ERCC6L: variants seen among roughly 807,000 people sequenced by gnomAD.
ERCC6L encodes the protein DNA excision repair protein ERCC-6-like.
A neutral mutation model predicts 20.1 loss-of-function variants in ERCC6L; 7 were observed. That is an observed-to-expected ratio of 0.35 (90% CI 0.20 to 0.65). The LOEUF is 0.65. Ranked by LOEUF, ERCC6L falls within the 30% of genes least tolerant of loss-of-function variation. The pLI is 0.69. For missense variants in ERCC6L, 592 were observed against 892.4 expected, an observed-to-expected ratio of 0.66 and a Z score of 4.29; for synonymous variants, 278 against 331.3, an observed-to-expected ratio of 0.84 and a Z score of 1.75.
chrX:72,236,884 CTT>C (rs1877553669), intron 1 of ERCC6L, among the ~76,000 whole-genome samples: 1 of 112,331 alleles, frequency 8.9e-6, no homozygotes, highest in Admixed American at 9.5e-5. Flanking sequence ...GCACACACAT[CTT>C]TGCTCACTCA....
chrX:72,221,510 G>A (rs746592104), intron 1 of ERCC6L, among the ~76,000 whole-genome samples: 1 of 110,727 alleles, frequency 9.0e-6, no homozygotes, highest in African/African-American at 3.3e-5. Context: ...AGTCCACATG[G>A]GTGCCAAACA....
At chrX:72,238,730 C>A (rs745544788) in intron 1 of ERCC6L, 114 bp downstream of exon 1, 36 of 655,243 alleles carry the variant, frequency 5.5e-5, no homozygotes, top group African/African-American at 4.4e-4. Context: ...CGCGAGCGCG[C>A]GTCTCAAAAG....
At chrX:72,226,901 C>G (rs1211535974) in intron 1 of ERCC6L, among the ~76,000 whole-genome samples, 1 of 111,642 alleles carries the variant, frequency 9.0e-6, no homozygotes, top group Non-Finnish European at 1.9e-5. Flanking sequence ...ACTAGCCATT[C>G]CCCTTGACAA....
intron 1 of ERCC6L, among the ~76,000 whole-genome samples, chrX:72,221,738 T>C (rs1956142215): frequency 9.0e-6 from 1 of 110,625 alleles, no homozygotes; most frequent in Non-Finnish European, 1.9e-5. Flanking sequence ...GAATGGCAAA[T>C]GGCAAGAGGT....
At chrX:72,223,719 G>T in intron 1 of ERCC6L, among the ~76,000 whole-genome samples, 1 of 111,509 alleles carries the variant, frequency 9.0e-6, no homozygotes, top group East Asian at 2.9e-4. Context: ...AGACAAACAT[G>T]TCTGGTTAAA....
intron 1 of ERCC6L, among the ~76,000 whole-genome samples, chrX:72,228,127 C>T (rs1417564303): frequency 4.5e-5 from 5 of 112,239 alleles, no homozygotes; most frequent in Admixed American, 2.9e-4. Context: ...TGTGAGGTCC[C>T]GTTCCAGCCA....
intron 1 of ERCC6L, among the ~76,000 whole-genome samples, chrX:72,232,274 A>T (rs1602452016): frequency 5.4e-5 from 2 of 36,782 alleles, no homozygotes; most frequent in African/African-American, 3.9e-4. Context: ...AAGGAGTATT[A>T]AAAAAAAAAA....
chrX:72,220,010 C>G (rs192729686), intron 1 of ERCC6L, among the ~76,000 whole-genome samples: 47 of 110,997 alleles, frequency 4.2e-4, no homozygotes, highest in African/African-American at 9.8e-4. Flanking sequence ...TTGTAGATAC[C>G]CTTGATCAGG....
intron 1 of ERCC6L, among the ~76,000 whole-genome samples, chrX:72,233,837 G>A (rs1474971255): frequency 1.1e-4 from 12 of 108,731 alleles, no homozygotes; most frequent in Admixed American, 3.0e-4. Flanking sequence ...TTTTTTGACC[G>A]GGCAAGGGGG....
In ERCC6L at chrX:72,206,519, G is replaced by A; in HGVS notation, c.2248C>T (p.Pro750Ser). ...AGAAGAGGTGAAGGCTGAGGCTGTG[G>A]TTTATTCAATTTAGGGCATTTCTTC... is the stretch of plus-strand genomic sequence containing the variant. ...TKKKCPKLNK[P>S]QPQPSPLLST... The change falls in exon 2 of 2, where the codon CCA becomes TCA. Residue 750 changes from proline to serine, a missense_variant. Pro to Ser is a moderately conservative substitution (Grantham distance 74, BLOSUM62 -1). Transcript: ENST00000334463. The A allele has an allele frequency of 8.3e-7, 1 of 1,211,509 alleles. No homozygotes were observed. Among genetic ancestry groups the A allele is most frequent in the African/African-American group, 1.7e-5 (1 of 57,743 alleles).
chrX:72,212,235 C>T (rs1445912232), intron 1 of ERCC6L, among the ~76,000 whole-genome samples: 1 of 110,460 alleles, frequency 9.1e-6, no homozygotes, highest in Non-Finnish European at 1.9e-5. Flanking sequence ...CGCACCACTA[C>T]ACTCCAACCG....
In ERCC6L at chrX:72,212,587, C is replaced by T. The variant is rs145023846; in HGVS notation, c.69-3889G>A. 3.5e-3 allele frequency among the ~76,000 whole-genome samples: 392 copies of T among 112,185 alleles called. 2 individuals are homozygous for T. Among genetic ancestry groups the T allele is most frequent in the African/African-American group, 0.012 (376 of 30,875 alleles). On this transcript the variant is annotated intron_variant, in intron 1 of 1. Coordinates refer to ENST00000334463, the MANE Select transcript of ERCC6L (RefSeq NM_017669.4). ...ACAAGCTTAAGTTGCAGAAGACACA[C>T]ACTTGATTTTCCTTGCTATGGAGGG...
intron 1 of ERCC6L, among the ~76,000 whole-genome samples, chrX:72,238,260 A>G (rs2043028728): frequency 1.8e-5 from 2 of 111,834 alleles, no homozygotes; most frequent in Admixed American, 9.5e-5. Flanking sequence ...TCTCATCCCA[A>G]CATTACCACG....
At position 72,207,537 on chromosome X, in the gene ERCC6L, C is replaced by T; in HGVS notation, c.1230G>A (p.Leu410=). 2 of 1,211,674 alleles carry T rather than the reference C, an allele frequency of 1.7e-6. No homozygotes were observed. The highest frequency in any genetic ancestry group is 2.2e-5 in the Admixed American group (1 of 46,021). The change falls in exon 2 of 2, where the codon CTG becomes CTA. Residue 410 remains leucine (L), a synonymous_variant. Coordinates refer to ENST00000334463, the MANE Select transcript of ERCC6L (RefSeq NM_017669.4). ...PLAELGVLKK[L]CDHPRLLSAR... is the part of the protein sequence containing the mutation. ...CAGACAGCAGCCTAGGATGATCACA[C>T]AGCTTCTTTAAGACACCTAGCTCAG... is the stretch of plus-strand genomic sequence containing the variant.
intron 1 of ERCC6L, among the ~76,000 whole-genome samples, chrX:72,213,809 C>T (rs1028711997): frequency 8.9e-6 from 1 of 111,828 alleles, no homozygotes; most frequent in Non-Finnish European, 1.9e-5. Flanking sequence ...AGGTTCCATT[C>T]CTTGGAATCC....
chrX:72,204,922 G>T lies in ERCC6L; in HGVS notation c.*92C>A. 1.2e-6 allele frequency: 1 copy of T among 842,847 alleles called. No individual in the cohort carries two copies. The highest frequency in any genetic ancestry group is 3.4e-5 in the East Asian group (1 of 29,512). 69.5% of individuals were successfully genotyped at this position (842,847 alleles called of 1,213,427 possible). Reference sequence around the variant, plus strand: ...TTGAGATCTTTCTTGCCTTAAGCCTGAATGCTTCATGTTCCCAAAGAATCC... The same window carrying T: ...TTGAGATCTTTCTTGCCTTAAGCCTTAATGCTTCATGTTCCCAAAGAATCC... On this transcript the variant is annotated 3_prime_UTR_variant, in exon 2 of 2. Transcript: ENST00000334463.
chrX:72,219,877 A>G (rs2042912911), intron 1 of ERCC6L, among the ~76,000 whole-genome samples: 1 of 109,960 alleles, frequency 9.1e-6, no homozygotes, highest in African/African-American at 3.3e-5. Context: ...CCTCCACTAT[A>G]ATGTTGAATT....
In ERCC6L at chrX:72,207,019, C is replaced by T; in HGVS notation, c.1748G>A (p.Arg583Lys). 8.3e-7 allele frequency: 1 copy of T among 1,211,477 alleles called. No homozygotes were observed. Among genetic ancestry groups the T allele is most frequent in the Non-Finnish European group, 1.1e-6 (1 of 895,407 alleles). ...CTCTACAGTCCCACAAGTGATTAGCCTATAAACCACAACATTCTCTTTTTG... is the reference window on the plus strand; with the variant it reads ...CTCTACAGTCCCACAAGTGATTAGCTTATAAACCACAACATTCTCTTTTTG... Reference protein sequence around the residue: ...IGQKENVVVYRLITCGTVEEK... With the variant: ...IGQKENVVVYKLITCGTVEEK... The change falls in exon 2 of 2, where the codon AGG becomes AAG. Residue 583 changes from arginine to lysine, a missense_variant. Around this residue, in one of 3 missense-constraint regions of ERCC6L, gnomAD observed 196 missense variants for 440.1 expected, o/e 0.45. Coordinates refer to ENST00000334463, the MANE Select transcript of ERCC6L (RefSeq NM_017669.4).
chrX:72,222,987 C>T (rs2042933416), intron 1 of ERCC6L, among the ~76,000 whole-genome samples: 1 of 109,020 alleles, frequency 9.2e-6, no homozygotes, highest in Non-Finnish European at 1.9e-5. Context: ...AAACTTTTCT[C>T]CACTTCCAAT....
Sources: gnomAD v4.1 joint callset for allele counts (sites outside exome capture counted in the v4.1 genomes callset) on GRCh38, gnomAD v4.1.1 for gene constraint, gnomAD v4.1.1 regional missense constraint, MANE v1.5 for transcripts, NCBI Gene and HGNC (gene_info 2026-07-23, HGNC 2026-07-21) for gene names.